The following POLR1D variants were observed in gnomAD, a reference collection of about 807,000 sequenced individuals.
The protein encoded by POLR1D is DNA-directed RNA polymerases I and III subunit RPAC2.
In POLR1D, 8 loss-of-function variants were observed where a neutral mutation model predicts 10.8. The observed-to-expected ratio is 0.74, with a 90% CI of 0.43 to 1.33. The LOEUF is 1.33. Ranked by LOEUF, POLR1D falls within the 40% of genes most tolerant of loss-of-function variation. POLR1D has a pLI of 0.01. For synonymous variants in POLR1D, 54 were observed against 57.2 expected (o/e 0.94, Z 0.25); for missense variants, 152 against 161.7 (o/e 0.94, Z 0.32).
chr13:27,632,140 GTTGTC>G (rs1471565155), intron 1 of POLR1D, among the ~76,000 whole-genome samples: 2 of 152,200 alleles, frequency 1.3e-5, no homozygotes, highest in Admixed American at 6.5e-5. Context: ...TGCCTCATCT[GTTGTC>G]TTGTCTATTG....
Position 27,623,341 on chromosome 13 carries a change from A to G in POLR1D, c.*91A>G, listed in dbSNP as rs886050110. The stretch of plus-strand genomic sequence containing the variant: ...AGAATTAGAAGTTTGTGGTTACAGC[A>G]TACTCTGTCCTTCAGAAAGGCGTGA... On this transcript the variant is annotated 3_prime_UTR_variant, in exon 2 of 2. Transcript: ENST00000302979. 5 of 1,583,362 alleles carry G rather than the reference A, an allele frequency of 3.2e-6. No individual in the cohort carries two copies. Among genetic ancestry groups the G allele is most frequent in the Non-Finnish European group, 4.3e-6 (5 of 1,165,662 alleles).
At chr13:27,658,358 G>C (rs1956327994) in intron 2 of POLR1D, among the ~76,000 whole-genome samples, 2 of 152,202 alleles carry the variant, frequency 1.3e-5, no homozygotes, top group Non-Finnish European at 2.9e-5. Flanking sequence ...TAGCACTTAG[G>C]TAGCCTGGCC....
chr13:27,664,589 A>G (rs1956397137), intron 2 of POLR1D: 1 of 152,066 alleles, frequency 6.6e-6, no homozygotes, highest in Admixed American at 6.6e-5. Flanking sequence ...TCTTCCTTTT[A>G]CTTCCAGATT....
chr13:27,647,391 A>ATTG (rs138179825), intron 1 of POLR1D, among the ~76,000 whole-genome samples: 5,190 of 151,608 alleles, frequency 0.034, 140 homozygotes, highest in Non-Finnish European at 0.055. Context: ...TATTATTATT[A>ATTG]TTTTTATTTT....
chr13:27,657,560 A>G (rs559215), intron 2 of POLR1D, among the ~76,000 whole-genome samples: 49,547 of 151,958 alleles, frequency 0.33, 9,513 homozygotes, highest in Admixed American at 0.44. Context: ...ATAAAAATAC[A>G]CATCTCCTTC....
chr13:27,622,551 G>T (rs1330711862), intron 1 of POLR1D, among the ~76,000 whole-genome samples: 5 of 152,096 alleles, frequency 3.3e-5, no homozygotes, highest in Non-Finnish European at 5.9e-5. Flanking sequence ...TCATCCTCTA[G>T]CAGGACCAGT....
intron 1 of POLR1D, chr13:27,648,293 T>C: frequency 1.1e-6 from 1 of 939,774 alleles, no homozygotes; most frequent in Non-Finnish European, 1.7e-6. Context: ...GTTAGTTCCT[T>C]TCCCAAGATC....
At chr13:27,634,453 A>C (rs1365327331) in intron 1 of POLR1D, among the ~76,000 whole-genome samples, 3 of 152,172 alleles carry the variant, frequency 2.0e-5, no homozygotes, top group African/African-American at 7.2e-5. Flanking sequence ...TCCTGGCCAA[A>C]AGCAGACAGC....
chr13:27,624,893 A>AT (rs1305769785), downstream of POLR1D, among the ~76,000 whole-genome samples: 13 of 152,300 alleles, frequency 8.5e-5, no homozygotes, highest in African/African-American at 2.9e-4. Context: ...GTCTCAAAAA[A>AT]ATATATAAAA....
At chr13:27,665,986 C>G (rs1350580224) in exon 3 of POLR1D, 1 of 1,607,304 alleles carries the variant, frequency 6.2e-7, no homozygotes, top group Non-Finnish European at 8.5e-7. Context: ...CCCTGCGGGC[C>G]TCCGTGCTCC....
chr13:27,639,131 C>T (rs1956153547), intron 1 of POLR1D, among the ~76,000 whole-genome samples: 1 of 152,184 alleles, frequency 6.6e-6, no homozygotes, highest in Non-Finnish European at 1.5e-5. Context: ...CCCTTCCACA[C>T]CCATCTTTCT....
In POLR1D at chr13:27,622,931, A is replaced by C; in HGVS notation, c.83A>C (p.Glu28Ala). 1.9e-6 allele frequency: 3 copies of C among 1,613,118 alleles called. No homozygotes were observed. The highest frequency in any genetic ancestry group is 2.5e-6 in the Non-Finnish European group (3 of 1,179,024). Reference sequence around the variant, plus strand: ...GAAGGCGAGAGGAAGACAGCCCTGGAAATGGTCCAGGCAGCTGGAACAGAT... The same window carrying C: ...GAAGGCGAGAGGAAGACAGCCCTGGCAATGGTCCAGGCAGCTGGAACAGAT... ...MAEGERKTAL[E>A]MVQAAGTDRH... The change falls in exon 2 of 2, where the codon GAA becomes GCA. Residue 28 changes from glutamate (E) to alanine (A), a missense_variant. Coordinates refer to ENST00000302979, the MANE Select transcript of POLR1D (RefSeq NM_015972.4).
chr13:27,623,420 T>C lies in POLR1D; in HGVS notation c.*170T>C. The C allele has an allele frequency of 7.2e-7, 1 of 1,398,340 alleles. No homozygotes were observed. The highest frequency in any genetic ancestry group is 9.4e-7 in the Non-Finnish European group (1 of 1,069,494). The allele number at this position is 1,398,340 out of a possible 1,614,324, so 86.6% of individuals were successfully genotyped here. On this transcript the variant is annotated 3_prime_UTR_variant, in exon 2 of 2. Coordinates refer to ENST00000302979, the MANE Select transcript of POLR1D (RefSeq NM_015972.4). ...GGAATCTCTGCAAGAACCTCTGTAT[T>C]CTTCTAATAAATTCCCTCTTTTATT...
At chr13:27,622,384 C>T (rs1394720580) in intron 1 of POLR1D, 3 of 344,370 alleles carry the variant, frequency 8.7e-6, no homozygotes, top group Non-Finnish European at 1.6e-5. Flanking sequence ...GTGCGCTGAG[C>T]TCTTTTTCTC....
chr13:27,653,891 A>G (rs1956287648), intron 2 of POLR1D, among the ~76,000 whole-genome samples: 1 of 152,206 alleles, frequency 6.6e-6, no homozygotes. Context: ...TTTTGGCTGA[A>G]GTATGTGAAG....
At chr13:27,665,545 TGGC>T in intron 2 of POLR1D, 1 of 750,548 alleles carries the variant, frequency 1.3e-6, no homozygotes. Context: ...TTACACTAGG[TGGC>T]ATGCAAGGAA....
At chr13:27,636,779 A>T (rs1267496350) in intron 1 of POLR1D, among the ~76,000 whole-genome samples, 2 of 152,072 alleles carry the variant, frequency 1.3e-5, no homozygotes, top group African/African-American at 4.8e-5. Flanking sequence ...TTGGGTACCT[A>T]TTCTATTTTT....
At chr13:27,657,388 G>A (rs748979757) in intron 2 of POLR1D, among the ~76,000 whole-genome samples, 2 of 151,950 alleles carry the variant, frequency 1.3e-5, no homozygotes, top group African/African-American at 2.4e-5. Flanking sequence ...AAATCAGCTG[G>A]GCATGGTGGC....
chr13:27,636,434 T>C (rs1478222138), intron 1 of POLR1D, among the ~76,000 whole-genome samples: 1 of 152,170 alleles, frequency 6.6e-6, no homozygotes, highest in Non-Finnish European at 1.5e-5. Flanking sequence ...AGATTGTATT[T>C]AATGGATCTT....
Sources: gnomAD v4.1 joint callset for allele counts (sites outside exome capture counted in the v4.1 genomes callset) on GRCh38, gnomAD v4.1.1 for gene constraint, MANE v1.5 for transcripts, NCBI Gene and HGNC (gene_info 2026-07-23, HGNC 2026-07-21) for gene names.